SLC22A23: variants seen among roughly 807,000 people sequenced by gnomAD.
The protein encoded by SLC22A23 is solute carrier family 22 member 23.
Under a neutral mutation model 61.0 loss-of-function variants are expected in SLC22A23, and 26 were observed. The observed-to-expected ratio is 0.43, with a 90% confidence interval of 0.31 to 0.59. The LOEUF is 0.59. Among genes scored for constraint, SLC22A23 ranks in the 20% least tolerant of loss-of-function variants. SLC22A23 has a pLI of 0.11. For missense variants in SLC22A23, 796 were observed against 934.7 expected, an observed-to-expected ratio of 0.85 and a Z score of 1.94; for synonymous variants, 430 against 413.9, an observed-to-expected ratio of 1.04 and a Z score of -0.47.
intron 5 of SLC22A23, 75 bp from the exon 6 acceptor site, chr6:3,289,941 C>G (rs1760416554): frequency 7.6e-6 from 9 of 1,180,392 alleles, no homozygotes; most frequent in Non-Finnish European, 1.0e-5. Context: ...AGTCACAGCC[C>G]TGGTTCCCCA....
intron 3 of SLC22A23, among the ~76,000 whole-genome samples, chr6:3,363,528 C>T (rs1765615194): frequency 2.0e-5 from 3 of 152,250 alleles, no homozygotes; most frequent in Admixed American, 2.0e-4. Context: ...GCCTGCTGCT[C>T]ACCTTGATGT....
At chr6:3,409,446 G>A (rs536393231) in intron 3 of SLC22A23, among the ~76,000 whole-genome samples, 4 of 152,180 alleles carry the variant, frequency 2.6e-5, no homozygotes, top group Admixed American at 6.5e-5. Flanking sequence ...ACTCCTGTGC[G>A]TGTGGTCAAA....
At chr6:3,332,038 T>A (rs899503369) in intron 3 of SLC22A23, among the ~76,000 whole-genome samples, 1 of 152,200 alleles carries the variant, frequency 6.6e-6, no homozygotes, top group South Asian at 2.1e-4. Context: ...TGAGTGACCA[T>A]GTTTGTAGAA....
chr6:3,331,484 C>T (rs768610099), intron 3 of SLC22A23, among the ~76,000 whole-genome samples: 11 of 152,102 alleles, frequency 7.2e-5, no homozygotes, highest in Non-Finnish European at 1.5e-4. Context: ...GAAGCTGGCC[C>T]GGCACCCTAC....
At position 3,283,977 on chromosome 6, in the gene SLC22A23, TGG is replaced by T. The variant is rs1759727619; in HGVS notation, c.1580-4_1580-3del. ...TGTCCTTGACGCTGTCACTCATCCC[TGG>T]GGGAAGGTCAGAAGAAGGTGGTGAG... On this transcript the variant is annotated splice_polypyrimidine_tract_variant and splice_region_variant and intron_variant, in intron 8 of 9. Transcript: ENST00000406686. 9 of 1,601,050 alleles carry T rather than the reference TGG, an allele frequency of 5.6e-6. No homozygotes were observed. The highest frequency in any genetic ancestry group is 1.7e-5 in the Admixed American group (1 of 59,698).
At chr6:3,417,948 T>A (rs532682347) in intron 1 of SLC22A23, among the ~76,000 whole-genome samples, 2 of 152,136 alleles carry the variant, frequency 1.3e-5, no homozygotes, top group African/African-American at 4.8e-5. Context: ...TAGGAAAAAA[T>A]GTATTTTTGA....
In SLC22A23 at chr6:3,315,750, G is replaced by C. The variant is rs58925110; in HGVS notation, c.1082+8084C>G. On this transcript the variant is annotated intron_variant, in intron 4 of 9. Transcript: ENST00000406686. ...GTGGTGGTGGGCACCTGTAGTCCCA[G>C]CTACTTAGGAGGCTGAGGCAGGAGA... Among the ~76,000 whole-genome samples the C allele has an allele frequency of 1.4e-3, 210 of 152,186 alleles. 2 individuals are homozygous for C. The highest frequency in any genetic ancestry group is 4.8e-3 in the African/African-American group (199 of 41,476).
Position 3,285,249 on chromosome 6 carries a change from G to A in SLC22A23, c.1547-138C>T. 6.7e-6 allele frequency: 8 copies of A among 1,196,502 alleles called. No homozygotes were observed. In the South Asian group the frequency reaches 6.9e-5, roughly 10 times the overall value. The allele number at this position is 1,196,502 out of a possible 1,614,324, so 74.1% of individuals were successfully genotyped here. A position where few individuals can be genotyped will look rare whatever the true frequency, so the allele number is the denominator to read the frequency against. On this transcript the variant is annotated intron_variant, in intron 7 of 9. Coordinates refer to ENST00000406686, the MANE Select transcript of SLC22A23 (RefSeq NM_015482.2). ...TCAAGCAAACTCCCTTCCGTGTCTG[G>A]GATGGCGCTGGCCGCCGGGGCAGTG...
At position 3,310,231 on chromosome 6, in the gene SLC22A23, TGGAGCACCCTGTCTCCCAG is replaced by T. The variant is rs1437614899; in HGVS notation, c.1083-12032_1083-12014del. Among the ~76,000 whole-genome samples the T allele has an allele frequency of 1.3e-3, 189 of 146,226 alleles. 2 individuals carry two copies. The highest frequency in any genetic ancestry group is 7.4e-3 in the South Asian group (35 of 4,722). Reference sequence around the variant, plus strand: ...CAAGCGGGAGCACCCTGTCTCCCACTGGAGCACCCTGTCTCCCAGGGAGCACCCTGTCTCCCACTGGAGC... The same window carrying T: ...CAAGCGGGAGCACCCTGTCTCCCACTGGAGCACCCTGTCTCCCACTGGAGC... On this transcript the variant is annotated intron_variant, in intron 4 of 9. Coordinates refer to ENST00000406686, the MANE Select transcript of SLC22A23 (RefSeq NM_015482.2).
rs930488607 is a variant in SLC22A23 at position 3,269,421 on chromosome 6, A to G, written c.*3634T>C. On this transcript the variant is annotated 3_prime_UTR_variant, in exon 10 of 10. Coordinates refer to ENST00000406686, the MANE Select transcript of SLC22A23 (RefSeq NM_015482.2). ...GGTAGTGAAATGCCCTTCGGTGGAT[A>G]CCATCAGGTGAGGTAGGGAAGACAT... The G allele has an allele frequency of 1.3e-5, 2 of 152,616 alleles. No individual in the cohort carries two copies. Among genetic ancestry groups the G allele is most frequent in the Non-Finnish European group, 2.9e-5 (2 of 68,044 alleles). The allele number at this position is 152,616 out of a possible 1,614,324, so 9.5% of individuals were successfully genotyped here. A position where few individuals can be genotyped will look rare whatever the true frequency, so the allele number is the denominator to read the frequency against.
rs893466219 is a variant in SLC22A23 at position 3,444,958 on chromosome 6, C to T, written c.654+10948G>A. On this transcript the variant is annotated intron_variant, in intron 1 of 9. Coordinates refer to ENST00000406686, the MANE Select transcript of SLC22A23 (RefSeq NM_015482.2). Reference sequence around the variant, plus strand: ...TCAGACGACTCATCCCGGTCGTCCTCACCCCACCAAGGGGAGGAAGGAAGG... The same window carrying T: ...TCAGACGACTCATCCCGGTCGTCCTTACCCCACCAAGGGGAGGAAGGAAGG... 21 of 985,506 alleles carry T rather than the reference C, an allele frequency of 2.1e-5. No individual in the cohort carries two copies. The East Asian group carries it at 2.0e-3, about 96-fold the overall frequency. The allele number at this position is 985,506 out of a possible 1,614,324, so 61.0% of individuals were successfully genotyped here.
At position 3,447,675 on chromosome 6, in the gene SLC22A23, G is replaced by A. The variant is rs546014820; in HGVS notation, c.654+8231C>T. ...GCAATCTCGGCTCACTGCAAGCTCC[G>A]CCTCCCGGGTTCACGCCATTCTCCT... On this transcript the variant is annotated intron_variant, in intron 1 of 9. Transcript: ENST00000406686. Among the ~76,000 whole-genome samples, 11 of 141,134 alleles carry A rather than the reference G, an allele frequency of 7.8e-5. No homozygotes were observed. The East Asian group carries it at 1.1e-3, about 14-fold the overall frequency. 92.6% of individuals were successfully genotyped at this position (141,134 alleles called of 152,430 possible). A position where few individuals can be genotyped will look rare whatever the true frequency, so the allele number is the denominator to read the frequency against.
intron 3 of SLC22A23, among the ~76,000 whole-genome samples, chr6:3,366,624 T>C (rs912898050): frequency 6.6e-6 from 1 of 152,196 alleles, no homozygotes; most frequent in Non-Finnish European, 1.5e-5. Flanking sequence ...ATTCAAGCTA[T>C]CTCATGTGGA....
At chr6:3,450,574 G>A (rs571298893) in intron 1 of SLC22A23, among the ~76,000 whole-genome samples, 1 of 152,236 alleles carries the variant, frequency 6.6e-6, no homozygotes, top group Non-Finnish European at 1.5e-5. Flanking sequence ...CAAAGTGCTG[G>A]CATTACAGGC....
rs114262598 is a variant in SLC22A23 at position 3,344,348 on chromosome 6, G to C, written c.914-20346C>G. On this transcript the variant is annotated intron_variant, in intron 3 of 9. Transcript: ENST00000406686. Reference sequence around the variant, plus strand: ...TATGGAAAAAGCATAAGAAATAATAGAGAATACCCAAAACAGCTTGGCCAA... The same window carrying C: ...TATGGAAAAAGCATAAGAAATAATACAGAATACCCAAAACAGCTTGGCCAA... 7.4e-3 allele frequency among the ~76,000 whole-genome samples: 1,121 copies of C among 152,308 alleles called. 14 individuals carry two copies. The highest frequency in any genetic ancestry group is 0.025 in the African/African-American group (1,046 of 41,562).
intron 3 of SLC22A23, among the ~76,000 whole-genome samples, chr6:3,337,448 T>C (rs866033981): frequency 0.037 from 4,427 of 118,112 alleles, 200 homozygotes; most frequent in African/African-American, 0.16. Flanking sequence ...ACAATTCCCT[T>C]TTTTTTTTTT....
intron 9 of SLC22A23, chr6:3,276,789 C>T (rs1481743179): frequency 1.3e-5 from 2 of 152,202 alleles, no homozygotes; most frequent in African/African-American, 2.4e-5. Context: ...GGGCATCAGC[C>T]ATTAGCCTCC....
intron 1 of SLC22A23, among the ~76,000 whole-genome samples, chr6:3,416,866 C>T (rs575083032): frequency 1.3e-5 from 2 of 152,256 alleles, no homozygotes; most frequent in South Asian, 2.1e-4. Flanking sequence ...TTGGGAACAC[C>T]GGAGCGGGAG....
chr6:3,292,241 C>T lies in SLC22A23; in HGVS notation c.1211-2375G>A, dbSNP rs182002274. Reference sequence around the variant, plus strand: ...CAAATCCTCGAGTGCTTCTGGAGGCCGTGCCGAGTTCTCCCATCCGGCCCT... The same window carrying T: ...CAAATCCTCGAGTGCTTCTGGAGGCTGTGCCGAGTTCTCCCATCCGGCCCT... On this transcript the variant is annotated intron_variant, in intron 5 of 9. Transcript: ENST00000406686. 3.3e-3 allele frequency among the ~76,000 whole-genome samples: 495 copies of T among 152,306 alleles called. 4 individuals carry two copies. Among genetic ancestry groups the T allele is most frequent in the African/African-American group, 0.012 (479 of 41,566 alleles).
Sources: gnomAD v4.1 joint callset for allele counts (sites outside exome capture counted in the v4.1 genomes callset) on GRCh38, gnomAD v4.1.1 for gene constraint, MANE v1.5 for transcripts, NCBI Gene and HGNC (gene_info 2026-07-23, HGNC 2026-07-21) for gene names.